CCNT2: variants seen among roughly 807,000 people sequenced by gnomAD.
The protein encoded by CCNT2 is cyclin T2.
Under a neutral mutation model 70.0 loss-of-function variants are expected in CCNT2, and 18 were observed. The ratio of observed to expected loss-of-function variants is 0.26; its 90% confidence interval spans 0.18 to 0.38. The LOEUF (loss-of-function observed/expected upper bound fraction) is 0.38, where lower values mean the gene tolerates loss of function less well. Ranked by LOEUF, CCNT2 falls within the 10% of genes least tolerant of loss-of-function variation. CCNT2 has a pLI of 1.00. For missense variants in CCNT2, 734 were observed against 890.2 expected, an observed-to-expected ratio of 0.82 and a Z score of 2.23; for synonymous variants, 334 against 313.3, an observed-to-expected ratio of 1.07 and a Z score of -0.70.
chr2:134,928,658 A>G (rs1680491082), intron 2 of CCNT2, among the ~76,000 whole-genome samples: 1 of 152,168 alleles, frequency 6.6e-6, no homozygotes, highest in African/African-American at 2.4e-5. Context: ...GGCCATTCAC[A>G]CTATAGTAAT....
intron 6 of CCNT2, chr2:134,946,368 A>G (rs1000520004): frequency 2.3e-5 from 29 of 1,257,048 alleles, no homozygotes; most frequent in Admixed American, 3.6e-5. Context: ...CTGATGACAT[A>G]TTCTCGATTT....
Position 134,954,728 on chromosome 2 carries a change from G to GTT in CCNT2, c.*81_*82insTT. The stretch of plus-strand genomic sequence containing the variant: ...TGGAAAAATTCCTTCTGATCTAGCA[G>GTT]TGGTAACCCCTGCTGTTGCTGCCAC... On this transcript the variant is annotated 3_prime_UTR_variant, in exon 9 of 9. Coordinates refer to ENST00000264157, the MANE Select transcript of CCNT2 (RefSeq NM_058241.3). The GTT allele has an allele frequency of 1.1e-6, 1 of 875,188 alleles. No individual in the cohort carries two copies. The highest frequency in any genetic ancestry group is 2.5e-5 in the East Asian group (1 of 40,008). The allele number at this position is 875,188 out of a possible 1,614,324, so 54.2% of individuals were successfully genotyped here. A position where few individuals can be genotyped will look rare whatever the true frequency, so the allele number is the denominator to read the frequency against.
intron 7 of CCNT2, among the ~76,000 whole-genome samples, chr2:134,949,808 G>GGC (rs1200234987): frequency 7.3e-6 from 1 of 136,682 alleles, no homozygotes; most frequent in Non-Finnish European, 1.6e-5. Context: ...TTTTCGGGGG[G>GGC]GGGGTGGGGG....
chr2:134,930,523 G>A (rs1470022478), intron 2 of CCNT2, among the ~76,000 whole-genome samples: 2 of 152,180 alleles, frequency 1.3e-5, no homozygotes, highest in Non-Finnish European at 2.9e-5. Context: ...TTACATGAGA[G>A]TGGAATTGCT....
At chr2:134,919,718 G>T in intron 1 of CCNT2, 92 bp from the exon 2 acceptor site, 1 of 929,962 alleles carries the variant, frequency 1.1e-6, no homozygotes, top group Non-Finnish European at 1.7e-6. Context: ...TGAATGGGAG[G>T]TATTGGAAAA....
intron 2 of CCNT2, among the ~76,000 whole-genome samples, chr2:134,930,455 G>A (rs1680659435): frequency 6.6e-6 from 1 of 152,162 alleles, no homozygotes; most frequent in Non-Finnish European, 1.5e-5. Context: ...ATGCTGCTAT[G>A]AACATTCATG....
intron 3 of CCNT2, among the ~76,000 whole-genome samples, chr2:134,937,780 G>A (rs1470304621): frequency 6.6e-6 from 1 of 152,172 alleles, no homozygotes; most frequent in African/African-American, 2.4e-5. Context: ...CAGGCATGGT[G>A]GCACATGCCT....
In CCNT2 at chr2:134,954,001, A is replaced by G; in HGVS notation, c.1546A>G (p.Lys516Glu). 1.2e-6 allele frequency: 2 copies of G among 1,614,186 alleles called. No individual in the cohort carries two copies. The highest frequency in any genetic ancestry group is 1.7e-6 in the Non-Finnish European group (2 of 1,180,026). ...KLRIPIPPTD[K>E]SASKEELKMK... is the part of the protein sequence containing the mutation. ...ACGGATTCCAATACCACCCACTGAT[A>G]AAAGCGCCAGTAAAGAAGAACTGAA... Residue 516 changes from lysine (K) to glutamate (E), a missense_variant, in exon 9 of 9, where the codon AAA becomes GAA. Coordinates refer to ENST00000264157, the MANE Select transcript of CCNT2 (RefSeq NM_058241.3).
Position 134,947,779 on chromosome 2 carries a change from A to G in CCNT2, c.583A>G (p.Ile195Val). ...CTGTCTTCAGTACAAACCAACAGTG[A>G]TAGCATGTGTATGCATTCATTTGGC... Reference protein sequence around the residue: ...TFCLQYKPTVIACVCIHLACK... With the variant: ...TFCLQYKPTVVACVCIHLACK... Residue 195 changes from isoleucine to valine, a missense_variant, in exon 7 of 9, where the codon ATA becomes GTA. Physicochemically the swap from Ile to Val is conservative, Grantham distance 29. Coordinates refer to ENST00000264157, the MANE Select transcript of CCNT2 (RefSeq NM_058241.3). 6.5e-7 allele frequency: 1 copy of G among 1,546,572 alleles called. No homozygotes were observed. Among genetic ancestry groups the G allele is most frequent in the South Asian group, 1.2e-5 (1 of 82,036 alleles).
intron 5 of CCNT2, chr2:134,945,813 TGACTA>T: frequency 7.1e-7 from 1 of 1,417,738 alleles, no homozygotes; most frequent in Non-Finnish European, 9.3e-7. Context: ...AACTTTTAGC[TGACTA>T]GATGCTTAAC....
chr2:134,919,570 T>C (rs1679711690), intron 1 of CCNT2, among the ~76,000 whole-genome samples: 1 of 152,128 alleles, frequency 6.6e-6, no homozygotes, highest in Non-Finnish European at 1.5e-5. Flanking sequence ...GATAAATAGT[T>C]CCAGGGCCCT....
At chr2:134,937,747 T>A (rs1032511236) in intron 3 of CCNT2, among the ~76,000 whole-genome samples, 5 of 152,088 alleles carry the variant, frequency 3.3e-5, no homozygotes, top group African/African-American at 1.2e-4. Context: ...AAACCCCATC[T>A]CTACTAAAAA....
At chr2:134,931,706 A>C (rs1361230039) in intron 2 of CCNT2, among the ~76,000 whole-genome samples, 2 of 152,152 alleles carry the variant, frequency 1.3e-5, no homozygotes, top group Non-Finnish European at 2.9e-5. Context: ...ACATTTATGT[A>C]GTATATTTGA....
intron 1 of CCNT2, 39 bp from the exon 2 acceptor site, chr2:134,919,771 C>A (rs562799439): frequency 4.0e-6 from 6 of 1,489,624 alleles, no homozygotes; most frequent in Non-Finnish European, 5.6e-6. Context: ...GGAATGAGAT[C>A]TTGCTTTTGT....
At chr2:134,953,204 GCTT>G (rs1559115092) in intron 8 of CCNT2, 23 bp from the exon 9 acceptor site, 1 of 1,537,380 alleles carries the variant, frequency 6.5e-7, no homozygotes, top group Admixed American at 1.8e-5. Flanking sequence ...CTATATCACT[GCTT>G]CTTCTGTGTT....
At chr2:134,933,074 A>C (rs1680901619) in intron 2 of CCNT2, among the ~76,000 whole-genome samples, 1 of 152,232 alleles carries the variant, frequency 6.6e-6, no homozygotes, top group Admixed American at 6.5e-5. Flanking sequence ...AAATGGCATC[A>C]CTAGCCTATA....
intron 5 of CCNT2, chr2:134,944,717 C>A (rs1465338984): frequency 1.0e-6 from 1 of 983,930 alleles, no homozygotes; most frequent in East Asian, 1.1e-4. Flanking sequence ...ATATATCTCA[C>A]TCCATTTTAA....
chr2:134,928,766 C>T (rs938824024), intron 2 of CCNT2, among the ~76,000 whole-genome samples: 2 of 151,678 alleles, frequency 1.3e-5, no homozygotes, highest in African/African-American at 4.8e-5. Flanking sequence ...TCTTCTGTGG[C>T]CAAAAATCGG....
At chr2:134,952,922 T>G in intron 8 of CCNT2, 1 of 495,008 alleles carries the variant, frequency 2.0e-6, no homozygotes, top group Non-Finnish European at 3.6e-6. Flanking sequence ...TTGCAGTGAT[T>G]ATGACAAAAG....
Sources: allele counts gnomAD v4.1 joint callset (sites outside exome capture counted in the v4.1 genomes callset), GRCh38; gene constraint gnomAD v4.1.1; transcripts MANE v1.5; gene names NCBI Gene and HGNC (gene_info 2026-07-23, HGNC 2026-07-21).